The following IFNAR1 variants were observed in gnomAD, a reference collection of about 807,000 sequenced individuals.
IFNAR1 encodes the protein interferon alpha and beta receptor subunit 1.
Under a neutral mutation model 62.1 loss-of-function variants are expected in IFNAR1, and 47 were observed. The ratio of observed to expected loss-of-function variants is 0.76; its 90% CI spans 0.60 to 0.97. The LOEUF is 0.97. IFNAR1 is among the 50% of genes least tolerant of loss of function. The pLI, the probability that IFNAR1 is intolerant of heterozygous loss-of-function variation, is 0.00. For missense variants in IFNAR1, 638 were observed against 654.5 expected (o/e 0.97, Z 0.27); for synonymous variants, 219 against 226.9 (o/e 0.97, Z 0.31).
intron 2 of IFNAR1, among the ~76,000 whole-genome samples, chr21:33,339,960 T>C (rs555120816): frequency 1.4e-5 from 2 of 147,908 alleles, no homozygotes; most frequent in African/African-American, 5.0e-5. Context: ...AGAAATCTGC[T>C]AAGTTCGTTT....
Position 33,335,017 on chromosome 21 carries a change from G to A in IFNAR1, c.77-507G>A, listed in dbSNP as rs903951868. 5 of 1,480,234 alleles carry A rather than the reference G, an allele frequency of 3.4e-6. No individual in the cohort carries two copies. In the African/African-American group the frequency reaches 6.9e-5, roughly 20 times the overall value. The allele number at this position is 1,480,234 out of a possible 1,614,324, so 91.7% of individuals were successfully genotyped here. A position where few individuals can be genotyped will look rare whatever the true frequency, so the allele number is the denominator to read the frequency against. On this transcript the variant is annotated intron_variant, in intron 1 of 10. Transcript: ENST00000270139. ...TGGGCAGGTGACTCTTCCTGGCACT[G>A]GTCAATTATTTGTGATGATGTCACC...
chr21:33,345,643 G>A (rs2083338570), intron 6 of IFNAR1, among the ~76,000 whole-genome samples: 1 of 152,158 alleles, frequency 6.6e-6, no homozygotes, highest in East Asian at 1.9e-4. Flanking sequence ...AAAAAAGAAA[G>A]TGTAACTAGT....
intron 1 of IFNAR1, among the ~76,000 whole-genome samples, chr21:33,327,867 A>G (rs1044791471): frequency 1.3e-5 from 2 of 152,194 alleles, no homozygotes; most frequent in African/African-American, 4.8e-5. Flanking sequence ...AGGCAGGACA[A>G]CTCAAAGCAA....
chr21:33,333,660 G>A (rs964416728), intron 1 of IFNAR1, among the ~76,000 whole-genome samples: 1 of 109,760 alleles, frequency 9.1e-6, no homozygotes, highest in Admixed American at 1.1e-4. Context: ...GTCTCGCTCT[G>A]TTGCCCAGGC....
rs752166395 is a variant in IFNAR1 at position 33,341,037 on chromosome 21, A to C, written c.239A>C (p.Gln80Pro). 1 of 1,612,448 alleles carries C rather than the reference A, an allele frequency of 6.2e-7. No individual in the cohort carries two copies. Among genetic ancestry groups the C allele is most frequent in the Middle Eastern group, 1.7e-4 (1 of 6,054 alleles). ...AATTGGATAAAATTGTCTGGGTGTC[A>C]GAATATTACTAGTACCAAATGCAAC... ...MDNWIKLSGC[Q>P]NITSTKCNFS... Residue 80 changes from glutamine (Q) to proline (P), a missense_variant, in exon 3 of 11, where the codon CAG becomes CCG. Coordinates refer to ENST00000270139, the MANE Select transcript of IFNAR1 (RefSeq NM_000629.3).
chr21:33,327,543 C>A (rs942872538), intron 1 of IFNAR1, among the ~76,000 whole-genome samples: 1 of 152,192 alleles, frequency 6.6e-6, no homozygotes, highest in African/African-American at 2.4e-5. Flanking sequence ...GGACTAATAG[C>A]CTTGGGGCTT....
In IFNAR1 at chr21:33,356,476, G is replaced by T. The variant is rs17875860; in HGVS notation, c.*927G>T. 6.6e-6 allele frequency: 1 copy of T among 152,114 alleles called. No individual in the cohort carries two copies. Among genetic ancestry groups the T allele is most frequent in the Non-Finnish European group, 1.5e-5 (1 of 68,020 alleles). 9.4% of individuals were successfully genotyped at this position (152,114 alleles called of 1,614,324 possible). On this transcript the variant is annotated 3_prime_UTR_variant, in exon 11 of 11. Transcript: ENST00000270139. Reference sequence around the variant, plus strand: ...TGAGGGACTTCTGTTCATTCATCCCGAGAACATTGGCTTCCACATCACAGT... The same window carrying T: ...TGAGGGACTTCTGTTCATTCATCCCTAGAACATTGGCTTCCACATCACAGT...
intron 1 of IFNAR1, among the ~76,000 whole-genome samples, chr21:33,331,947 C>T (rs2083185336): frequency 1.3e-5 from 2 of 152,188 alleles, no homozygotes; most frequent in Non-Finnish European, 2.9e-5. Context: ...CAAATCCTGG[C>T]TCTGTGAGCA....
intron 9 of IFNAR1, 103 bp from the exon 10 acceptor site, chr21:33,353,535 T>C (rs1306090359): frequency 4.8e-6 from 3 of 625,792 alleles, no homozygotes; most frequent in Non-Finnish European, 8.1e-6. Context: ...ATTTAATAGA[T>C]TTTATATTTC....
rs1378733686 is a variant in IFNAR1 at position 33,357,875 on chromosome 21, G to A, written c.*2326G>A. 5 of 152,188 alleles carry A rather than the reference G, an allele frequency of 3.3e-5. No individual in the cohort carries two copies. In the East Asian group the frequency reaches 9.6e-4, roughly 29 times the overall value. The allele number at this position is 152,188 out of a possible 1,614,324, so 9.4% of individuals were successfully genotyped here. ...TGTCACTTTGGACGTTTGCGTCTTT[G>A]AAGAGGCGATGGGAGCATATCATGA... On this transcript the variant is annotated 3_prime_UTR_variant, in exon 11 of 11. Transcript: ENST00000270139.
At position 33,355,513 on chromosome 21, in the gene IFNAR1, TA is replaced by T; in HGVS notation, c.1642del (p.Thr548GlnfsTer14). ...NYSNEDESES[K>X]TSEELQQDFV ...ATTCTAATGAAGATGAAAGCGAAAG[TA>T]AAACAAGTGAAGAACTACAGCAGGA... On this transcript the variant is annotated frameshift_variant, in exon 11 of 11. Transcript: ENST00000270139. LOFTEE classifies it high-confidence loss of function. 6.2e-7 allele frequency: 1 copy of T among 1,600,520 alleles called. No homozygotes were observed. Among genetic ancestry groups the T allele is most frequent in the Non-Finnish European group, 8.5e-7 (1 of 1,175,266 alleles).
intron 5 of IFNAR1, 139 bp downstream of exon 5, chr21:33,343,815 A>G (rs952709295): frequency 3.0e-5 from 17 of 567,636 alleles, no homozygotes; most frequent in Admixed American, 6.4e-5. Context: ...AGCAAAATAA[A>G]TGTTACTTGG....
intron 8 of IFNAR1, 104 bp from the exon 9 acceptor site, chr21:33,352,654 G>A (rs895570896): frequency 1.7e-6 from 1 of 588,872 alleles, no homozygotes; most frequent in Non-Finnish European, 3.0e-6. Flanking sequence ...CCAACTACGT[G>A]GGAGAGGCCA....
chr21:33,342,324 T>C (rs1332833165), intron 3 of IFNAR1, among the ~76,000 whole-genome samples: 7 of 151,988 alleles, frequency 4.6e-5, no homozygotes, highest in Non-Finnish European at 8.8e-5. Flanking sequence ...AGAGGGAGGA[T>C]CACTTGAGCC....
At chr21:33,341,969 C>G (rs1165305293) in intron 3 of IFNAR1, among the ~76,000 whole-genome samples, 1 of 152,158 alleles carries the variant, frequency 6.6e-6, no homozygotes, top group East Asian at 1.9e-4. Flanking sequence ...GCGTGAGCCA[C>G]CATGCCCAGT....
At chr21:33,344,456 C>T (rs1467153657) in intron 5 of IFNAR1, among the ~76,000 whole-genome samples, 3 of 147,700 alleles carry the variant, frequency 2.0e-5, no homozygotes, top group African/African-American at 7.3e-5. Context: ...TTTAATCAAA[C>T]ATTACGGAAG....
chr21:33,327,272 A>G (rs1354006777), intron 1 of IFNAR1, among the ~76,000 whole-genome samples: 1 of 152,220 alleles, frequency 6.6e-6, no homozygotes, highest in Non-Finnish European at 1.5e-5. Context: ...GGTGTGCATT[A>G]AGAAATTAAT....
In IFNAR1 at chr21:33,334,928, CA is replaced by C. The variant is rs2083218540; in HGVS notation, c.77-595del. ...CCCACCCCTGCAGTGGGAGATGGGG[CA>C]GGGGGTACCACATCAGGGAGTACAG... On this transcript the variant is annotated intron_variant, in intron 1 of 10. Transcript: ENST00000270139. 1.9e-6 allele frequency: 3 copies of C among 1,575,556 alleles called. No individual in the cohort carries two copies. The African/African-American group carries it at 4.0e-5, about 21-fold the overall frequency.
At chr21:33,336,021 C>T (rs1428726470) in intron 2 of IFNAR1, among the ~76,000 whole-genome samples, 2 of 147,380 alleles carry the variant, frequency 1.4e-5, no homozygotes, top group Admixed American at 1.4e-4. Flanking sequence ...GCGCTGCACC[C>T]ACTAACTCGT....
Sources: allele counts gnomAD v4.1 joint callset (sites outside exome capture counted in the v4.1 genomes callset), GRCh38; gene constraint gnomAD v4.1.1; transcripts MANE v1.5; gene names NCBI Gene and HGNC (gene_info 2026-07-23, HGNC 2026-07-21).